Variants in FAM171A1 observed in about 807,000 individuals in gnomAD.
The protein encoded by FAM171A1 is family with sequence similarity 171 member A1.
Under a neutral mutation model 74.9 loss-of-function variants are expected in FAM171A1, and 23 were observed. The ratio of observed to expected loss-of-function variants is 0.31; its 90% confidence interval spans 0.22 to 0.44. The LOEUF (loss-of-function observed/expected upper bound fraction) is 0.44. Ranked by LOEUF, FAM171A1 falls within the 20% of genes least tolerant of loss-of-function variation. The pLI is 1.00. For synonymous variants in FAM171A1, 527 were observed against 505.7 expected, an observed-to-expected ratio of 1.04 and a Z score of -0.57; for missense variants, 1,162 against 1,159.2, an observed-to-expected ratio of 1.00 and a Z score of -0.03.
At chr10:15,294,846 G>A (rs1835141930) in intron 1 of FAM171A1, among the ~76,000 whole-genome samples, 1 of 152,334 alleles carries the variant, frequency 6.6e-6, no homozygotes, top group African/African-American at 2.4e-5. Flanking sequence ...GAAGCTCCCT[G>A]TCGGTATTTG....
intron 1 of FAM171A1, among the ~76,000 whole-genome samples, chr10:15,292,973 C>G (rs1010969465): frequency 1.1e-4 from 16 of 152,138 alleles, no homozygotes; most frequent in Non-Finnish European, 4.4e-5. Flanking sequence ...ACGTCGATCC[C>G]AGCCTCACCC....
At chr10:15,323,253 G>C (rs1465674116) in intron 1 of FAM171A1, among the ~76,000 whole-genome samples, 3 of 152,026 alleles carry the variant, frequency 2.0e-5, no homozygotes, top group Admixed American at 6.6e-5. Flanking sequence ...AGGAGTTCGA[G>C]ACCAGCCTGG....
intron 1 of FAM171A1, among the ~76,000 whole-genome samples, chr10:15,345,419 G>A (rs765051900): frequency 6.6e-6 from 1 of 152,032 alleles, no homozygotes; most frequent in Non-Finnish European, 1.5e-5. Context: ...GGCAGAACGA[G>A]AGGGGATGAC....
chr10:15,355,784 C>T (rs567726081), intron 1 of FAM171A1, among the ~76,000 whole-genome samples: 1 of 152,156 alleles, frequency 6.6e-6, no homozygotes, highest in South Asian at 2.1e-4. Flanking sequence ...AGTCCCATAT[C>T]ACCTCCAGTT....
intron 5 of FAM171A1, among the ~76,000 whole-genome samples, chr10:15,231,948 T>C (rs112678949): frequency 0.14 from 21,796 of 152,010 alleles, 1,679 homozygotes; most frequent in Middle Eastern, 0.18. Flanking sequence ...AAAAATTAGC[T>C]GGGCCGTGGT....
At chr10:15,299,316 G>C (rs1835199742) in intron 1 of FAM171A1, among the ~76,000 whole-genome samples, 1 of 152,160 alleles carries the variant, frequency 6.6e-6, no homozygotes, top group Non-Finnish European at 1.5e-5. Flanking sequence ...GCAGTATTAA[G>C]CATGTCTATG....
At chr10:15,289,058 G>A (rs1835073098) in intron 1 of FAM171A1, among the ~76,000 whole-genome samples, 1 of 152,068 alleles carries the variant, frequency 6.6e-6, no homozygotes, top group Admixed American at 6.5e-5. Context: ...CTGACCTCAG[G>A]TGATCTGCCT....
chr10:15,318,655 G>C (rs190291960), intron 1 of FAM171A1, among the ~76,000 whole-genome samples: 1 of 152,156 alleles, frequency 6.6e-6, no homozygotes, highest in Non-Finnish European at 1.5e-5. Context: ...CTCTGTTAGA[G>C]TGTGTTTAAT....
intron 5 of FAM171A1, among the ~76,000 whole-genome samples, chr10:15,230,728 A>T (rs951937986): frequency 1.3e-5 from 2 of 152,236 alleles, no homozygotes; most frequent in African/African-American, 4.8e-5. Flanking sequence ...GGAAACCACA[A>T]AATACTGGCA....
chr10:15,345,402 C>T (rs1479538711), intron 1 of FAM171A1, among the ~76,000 whole-genome samples: 1 of 152,118 alleles, frequency 6.6e-6, no homozygotes, highest in African/African-American at 2.4e-5. Context: ...GCACACAGAC[C>T]TGGGATGGCA....
At chr10:15,325,626 G>C (rs1835546050) in intron 1 of FAM171A1, among the ~76,000 whole-genome samples, 1 of 152,164 alleles carries the variant, frequency 6.6e-6, no homozygotes, top group African/African-American at 2.4e-5. Context: ...CTCACTTCCT[G>C]AAAGCTTACT....
chr10:15,250,267 T>C (rs968737857), intron 4 of FAM171A1, among the ~76,000 whole-genome samples: 2 of 152,246 alleles, frequency 1.3e-5, no homozygotes, highest in African/African-American at 4.8e-5. Context: ...TTTTGAAATC[T>C]CTTAGTCTGG....
rs538537792 is a variant in FAM171A1 at position 15,261,110 on chromosome 10, G to A, written c.419-6231C>T. On this transcript the variant is annotated intron_variant, in intron 3 of 7. Coordinates refer to ENST00000378116, the MANE Select transcript of FAM171A1 (RefSeq NM_001010924.2). ...CTATCTGAATCTCTGTTCCTCTCCCGAACTATCATATGAACAAAGAAGCTT... is the reference window on the plus strand; with the variant it reads ...CTATCTGAATCTCTGTTCCTCTCCCAAACTATCATATGAACAAAGAAGCTT... 1.1e-4 allele frequency among the ~76,000 whole-genome samples: 17 copies of A among 152,268 alleles called. No individual in the cohort carries two copies. The South Asian group carries it at 3.1e-3, about 28-fold the overall frequency.
At chr10:15,251,877 G>T (rs568858337) in intron 4 of FAM171A1, among the ~76,000 whole-genome samples, 9 of 152,274 alleles carry the variant, frequency 5.9e-5, no homozygotes, top group Non-Finnish European at 8.8e-5. Context: ...AGACAAGCAG[G>T]TGTCAGGCAA....
chr10:15,276,031 T>C, intron 2 of FAM171A1, 84 bp from the exon 3 acceptor site: 1 of 913,368 alleles, frequency 1.1e-6, no homozygotes, highest in Non-Finnish European at 1.7e-6. Context: ...CTCTGCAGTT[T>C]TTGTATTTTC....
chr10:15,266,641 G>A (rs1011447433), intron 3 of FAM171A1, among the ~76,000 whole-genome samples: 5 of 152,022 alleles, frequency 3.3e-5, no homozygotes, highest in South Asian at 2.1e-4. Context: ...TGAGGTGGGC[G>A]GATCACTTGA....
At chr10:15,230,561 C>T (rs956883258) in intron 5 of FAM171A1, among the ~76,000 whole-genome samples, 4 of 152,170 alleles carry the variant, frequency 2.6e-5, no homozygotes, top group African/African-American at 4.8e-5. Flanking sequence ...GAAATTAACA[C>T]GATGACTGTA....
At chr10:15,307,287 TCTAACAGGCTGAG>T (rs1480126854) in intron 1 of FAM171A1, among the ~76,000 whole-genome samples, 1 of 152,118 alleles carries the variant, frequency 6.6e-6, no homozygotes, top group African/African-American at 2.4e-5. Context: ...CAGACGTGAT[TCTAACAGGCTGAG>T]CTAACAGGCC....
rs370267967 is a variant in FAM171A1 at position 15,228,115 on chromosome 10, TCA to T, written c.755-7057_755-7056del. Reference sequence around the variant, plus strand: ...CTAATTTGAATATGGCCTAAGGAGATCACAGTTACCTGGCTTTTCCTGCCTGG... The same window carrying T: ...CTAATTTGAATATGGCCTAAGGAGATCAGTTACCTGGCTTTTCCTGCCTGG... On this transcript the variant is annotated intron_variant, in intron 5 of 7. Coordinates refer to ENST00000378116, the MANE Select transcript of FAM171A1 (RefSeq NM_001010924.2). 1.8e-4 allele frequency among the ~76,000 whole-genome samples: 27 copies of T among 152,204 alleles called. 1 individual carries two copies. In the South Asian group the frequency reaches 5.2e-3, roughly 29 times the overall value.
Sources: allele counts gnomAD v4.1 joint callset (sites outside exome capture counted in the v4.1 genomes callset), GRCh38; gene constraint gnomAD v4.1.1; transcripts MANE v1.5; gene names NCBI Gene and HGNC (gene_info 2026-07-23, HGNC 2026-07-21).